The following BARD1 variants were observed in gnomAD, a reference collection of about 807,000 sequenced individuals.
BARD1 encodes the protein BRCA1 associated RING domain 1.
Under a neutral mutation model 77.0 loss-of-function variants are expected in BARD1, and 73 were observed. The ratio of observed to expected loss-of-function variants is 0.95; its 90% CI spans 0.79 to 1.15. BARD1 has a LOEUF of 1.15. Ranked by LOEUF, BARD1 falls within the 50% of genes most tolerant of loss-of-function variation. The pLI is 0.00. For missense variants in BARD1, 993 were observed against 938.8 expected (o/e 1.06, Z -0.75); for synonymous variants, 384 against 338.0 (o/e 1.14, Z -1.49).
At chr2:214,766,371 A>G (rs1278005018) in intron 6 of BARD1, among the ~76,000 whole-genome samples, 1 of 152,238 alleles carries the variant, frequency 6.6e-6, no homozygotes, top group Non-Finnish European at 1.5e-5. Context: ...TACACAGAAA[A>G]AATAAAATGG....
chr2:214,787,131 T>C (rs1277976596), intron 3 of BARD1, among the ~76,000 whole-genome samples: 8 of 151,858 alleles, frequency 5.3e-5, no homozygotes, highest in Admixed American at 2.0e-4. Context: ...GTTCAAACCC[T>C]GAGGTTCTCA....
chr2:214,787,906 G>A (rs1030415426), intron 3 of BARD1, among the ~76,000 whole-genome samples: 7 of 151,888 alleles, frequency 4.6e-5, no homozygotes, highest in South Asian at 2.1e-4. Context: ...TCTCTTTGAC[G>A]AACCAGTCCC....
At chr2:214,792,137 C>T (rs1434488284) in intron 3 of BARD1, among the ~76,000 whole-genome samples, 160 bp downstream of exon 3, 1 of 144,552 alleles carries the variant, frequency 6.9e-6, no homozygotes, top group African/African-American at 2.6e-5. Flanking sequence ...CATAGAGAGA[C>T]TCAATGGCTA....
intron 6 of BARD1, among the ~76,000 whole-genome samples, chr2:214,765,751 TACAC>T (rs147394459): frequency 2.1e-4 from 32 of 150,336 alleles, no homozygotes; most frequent in Non-Finnish European, 3.6e-4. Flanking sequence ...CGCACGTGTG[TACAC>T]ACACACACAC....
intron 9 of BARD1, 102 bp from the exon 10 acceptor site, chr2:214,730,610 G>T: frequency 2.1e-6 from 2 of 936,708 alleles, no homozygotes; most frequent in Non-Finnish European, 3.4e-6. Flanking sequence ...TCTTCTTCAT[G>T]GCAGTTTTTA....
Position 214,809,620 on chromosome 2 carries a change from C to A in BARD1, c.-51G>T, listed in dbSNP as rs1224930700. 6.6e-7 allele frequency: 1 copy of A among 1,521,354 alleles called. No individual in the cohort carries two copies. Among genetic ancestry groups the A allele is most frequent in the South Asian group, 1.2e-5 (1 of 83,744 alleles). 94.2% of individuals were successfully genotyped at this position (1,521,354 alleles called of 1,614,324 possible). On this transcript the variant is annotated 5_prime_UTR_variant, in exon 1 of 11. The change creates a new upstream start codon in the 5' untranslated region. Coordinates refer to ENST00000260947, the MANE Select transcript of BARD1 (RefSeq NM_000465.4). ...CTCGCAGAGCGGGAAGCAAGGAAGC[C>A]TCGGGAAACCACAGGGAAGCTGCAG...
chr2:214,730,543 A>G, intron 9 of BARD1, 35 bp from the exon 10 acceptor site: 1 of 1,523,284 alleles, frequency 6.6e-7, no homozygotes, highest in Non-Finnish European at 9.1e-7. Flanking sequence ...CAAACTAAGT[A>G]TCAAGTGAGC....
intron 4 of BARD1, among the ~76,000 whole-genome samples, chr2:214,772,775 T>C (rs1161679757): frequency 6.6e-6 from 1 of 152,212 alleles, no homozygotes; most frequent in Non-Finnish European, 1.5e-5. Context: ...AAATGTAATG[T>C]CATGCGCATA....
At chr2:214,802,739 CATATAT>C (rs957318048) in intron 1 of BARD1, among the ~76,000 whole-genome samples, 1 of 152,090 alleles carries the variant, frequency 6.6e-6, no homozygotes, top group African/African-American at 2.4e-5. Flanking sequence ...GTTTGATATA[CATATAT>C]ATTAGATAGA....
At chr2:214,753,434 C>A (rs1693549744) in intron 6 of BARD1, among the ~76,000 whole-genome samples, 1 of 151,954 alleles carries the variant, frequency 6.6e-6, no homozygotes. Flanking sequence ...CTTTTATAGT[C>A]TTCTATGTTT....
Position 214,727,222 on chromosome 2 carries a change from C to T in BARD1, c.*1454G>A. ...TTCTTGATATGAAAAAACAACATGT[C>T]AAAGAAAGAATTAAAGCAAAATGTG... On this transcript the variant is annotated 3_prime_UTR_variant, in exon 11 of 11. Transcript: ENST00000260947. 8.8e-6 allele frequency: 2 copies of T among 226,960 alleles called. No homozygotes were observed. The highest frequency in any genetic ancestry group is 1.8e-5 in the Non-Finnish European group (2 of 114,148). The allele number at this position is 226,960 out of a possible 1,614,324, so 14.1% of individuals were successfully genotyped here. A position where few individuals can be genotyped will look rare whatever the true frequency, so the allele number is the denominator to read the frequency against.
chr2:214,726,782 T>G lies in BARD1; in HGVS notation c.*1894A>C, dbSNP rs1242354550. 1.3e-5 allele frequency: 3 copies of G among 227,430 alleles called. No homozygotes were observed. In the East Asian group the frequency reaches 1.9e-4, roughly 14 times the overall value. 14.1% of individuals were successfully genotyped at this position (227,430 alleles called of 1,614,324 possible). The stretch of plus-strand genomic sequence containing the variant: ...AACACAAACTAACTGCTGTCAAATA[T>G]TTAACAAAAGCAAAGATGAAACTGC... On this transcript the variant is annotated 3_prime_UTR_variant, in exon 11 of 11. Transcript: ENST00000260947.
rs796650677 is a variant in BARD1, at chr2:214,785,647, C to T, written c.365-4138G>A. ...TAAAACAAAAAGAAGGAAGGAGTCC[C>T]CTAACTCCCAATCTGGCACTCTATC... On this transcript the variant is annotated intron_variant, in intron 3 of 10. Transcript: ENST00000260947. 1.9e-4 allele frequency among the ~76,000 whole-genome samples: 29 copies of T among 151,708 alleles called. 2 individuals carry two copies. Among genetic ancestry groups the T allele is most frequent in the Middle Eastern group, 3.4e-3 (1 of 292 alleles).
chr2:214,748,415 T>C (rs6735415), intron 7 of BARD1, among the ~76,000 whole-genome samples: 74,300 of 151,820 alleles, frequency 0.49, 18,350 homozygotes, highest in East Asian at 0.57. Context: ...AGAGATTAGA[T>C]ACTATGTTCA....
At chr2:214,736,304 A>C (rs748867) in intron 9 of BARD1, among the ~76,000 whole-genome samples, 10,101 of 152,194 alleles carry the variant, frequency 0.066, 470 homozygotes, top group African/African-American at 0.13. Flanking sequence ...AAAATCAAAT[A>C]AAAAACCATC....
intron 1 of BARD1, among the ~76,000 whole-genome samples, chr2:214,806,631 T>C (rs1372549087): frequency 6.6e-6 from 1 of 152,022 alleles, no homozygotes; most frequent in Non-Finnish European, 1.5e-5. Flanking sequence ...CCCAGCACTT[T>C]GGGAGGCTGA....
At chr2:214,779,211 T>C (rs1694867953) in intron 4 of BARD1, among the ~76,000 whole-genome samples, 1 of 152,132 alleles carries the variant, frequency 6.6e-6, no homozygotes, top group Admixed American at 6.6e-5. Context: ...TCCCTCAGTA[T>C]CTGTGGGGGA....
At chr2:214,773,430 G>A (rs1037871135) in intron 4 of BARD1, among the ~76,000 whole-genome samples, 4 of 152,024 alleles carry the variant, frequency 2.6e-5, no homozygotes, top group African/African-American at 9.7e-5. Flanking sequence ...TCTAAAATAT[G>A]TTAAATATTT....
At chr2:214,778,421 T>C (rs1694831280) in intron 4 of BARD1, among the ~76,000 whole-genome samples, 1 of 152,072 alleles carries the variant, frequency 6.6e-6, no homozygotes, top group Non-Finnish European at 1.5e-5. Flanking sequence ...TGACAATAAT[T>C]GCATTTAATA....
Sources: allele counts gnomAD v4.1 joint callset (sites outside exome capture counted in the v4.1 genomes callset), GRCh38; gene constraint gnomAD v4.1.1; transcripts MANE v1.5; gene names NCBI Gene and HGNC (gene_info 2026-07-23, HGNC 2026-07-21).